PTPRD: variants seen among roughly 807,000 people sequenced by gnomAD.
PTPRD encodes the protein receptor-type tyrosine-protein phosphatase delta.
In PTPRD, 34 loss-of-function variants were observed where a neutral mutation model predicts 214.5. The ratio of observed to expected loss-of-function variants is 0.16; its 90% CI spans 0.12 to 0.21. The LOEUF is 0.21. Among genes scored for constraint, PTPRD ranks in the 10% least tolerant of loss-of-function variants. The probability of loss-of-function intolerance (pLI) is 1.00; values close to 1 mark genes in which losing one functional copy is unlikely to be tolerated. For synonymous variants in PTPRD, 1,128 were observed against 845.7 expected, an observed-to-expected ratio of 1.33 and a Z score of -5.79; for missense variants, 2,545 against 2,398.7, an observed-to-expected ratio of 1.06 and a Z score of -1.27.
At chr9:8,608,015 T>C (rs2095301151) in intron 14 of PTPRD, among the ~76,000 whole-genome samples, 1 of 152,204 alleles carries the variant, frequency 6.6e-6, no homozygotes, top group Non-Finnish European at 1.5e-5. Flanking sequence ...GATTACAGGA[T>C]GTCAGCTTTT....
chr9:10,117,560 A>G (rs190932486), intron 3 of PTPRD, among the ~76,000 whole-genome samples: 2 of 151,096 alleles, frequency 1.3e-5, no homozygotes, highest in South Asian at 2.1e-4. Context: ...ATTAACTTCA[A>G]TCTACCTCCT....
chr9:9,369,683 C>A (rs2058900670), intron 9 of PTPRD, among the ~76,000 whole-genome samples: 1 of 152,042 alleles, frequency 6.6e-6, no homozygotes, highest in Non-Finnish European at 1.5e-5. Flanking sequence ...GAAGTCCTTG[C>A]CCATGCCTAT....
chr9:10,290,868 C>G (rs980728501), intron 3 of PTPRD, among the ~76,000 whole-genome samples: 1 of 152,028 alleles, frequency 6.6e-6, no homozygotes, highest in Non-Finnish European at 1.5e-5. Flanking sequence ...AGTACACATG[C>G]AAAATCCTAC....
chr9:8,862,055 A>G (rs2098116179), intron 11 of PTPRD: 1 of 152,220 alleles, frequency 6.6e-6, no homozygotes, highest in Non-Finnish European at 1.5e-5. Flanking sequence ...ACACAGAACT[A>G]GCACATAAGA....
chr9:8,365,020 T>C (rs1009009452), intron 39 of PTPRD, among the ~76,000 whole-genome samples: 18 of 152,244 alleles, frequency 1.2e-4, no homozygotes, highest in Admixed American at 4.6e-4. Flanking sequence ...TTAAGGACCA[T>C]ACTGCAGTGG....
chr9:8,321,487 G>GTGTGTATATATA (rs1168847469), intron 44 of PTPRD, among the ~76,000 whole-genome samples: 49 of 44,520 alleles, frequency 1.1e-3, no homozygotes, highest in Non-Finnish European at 1.6e-3. Flanking sequence ...GTGTGTGTGT[G>GTGTGTATATATA]TATATATATA....
At chr9:9,482,320 A>C (rs1482181163) in intron 8 of PTPRD, among the ~76,000 whole-genome samples, 1 of 152,232 alleles carries the variant, frequency 6.6e-6, no homozygotes, top group Non-Finnish European at 1.5e-5. Flanking sequence ...CTAGAATTCT[A>C]GAGTCATGGT....
intron 2 of PTPRD, among the ~76,000 whole-genome samples, chr9:10,559,263 G>T (rs1487209741): frequency 1.3e-5 from 2 of 152,052 alleles, no homozygotes; most frequent in African/African-American, 4.8e-5. Flanking sequence ...GGTTATACAA[G>T]TCCTCTAAAA....
At chr9:8,857,460 G>T (rs1302410365) in intron 11 of PTPRD, among the ~76,000 whole-genome samples, 1 of 152,174 alleles carries the variant, frequency 6.6e-6, no homozygotes, top group African/African-American at 2.4e-5. Flanking sequence ...ACCTCTGCCC[G>T]AGGAGGTCCA....
chr9:8,865,946 C>T (rs1027514353), intron 11 of PTPRD, among the ~76,000 whole-genome samples: 7 of 152,124 alleles, frequency 4.6e-5, no homozygotes, highest in Admixed American at 1.3e-4. Flanking sequence ...TTCATGCTTT[C>T]CTACAAGAAG....
At chr9:9,254,300 A>G (rs990923978) in intron 9 of PTPRD, among the ~76,000 whole-genome samples, 4 of 151,780 alleles carry the variant, frequency 2.6e-5, no homozygotes, top group Non-Finnish European at 5.9e-5. Flanking sequence ...TATATTTTCT[A>G]TTTCCTTCTA....
chr9:10,306,686 T>C (rs951753927), intron 3 of PTPRD, among the ~76,000 whole-genome samples: 5 of 152,122 alleles, frequency 3.3e-5, no homozygotes, highest in African/African-American at 1.2e-4. Flanking sequence ...GCTCTTTATA[T>C]CCAACCAGAG....
At chr9:9,728,910 T>C (rs2098137778) in intron 7 of PTPRD, among the ~76,000 whole-genome samples, 1 of 152,132 alleles carries the variant, frequency 6.6e-6, no homozygotes, top group African/African-American at 2.4e-5. Flanking sequence ...TTTATTAAAA[T>C]TTGTAGTACT....
chr9:9,962,446 C>T (rs1464025766), intron 4 of PTPRD, among the ~76,000 whole-genome samples: 1 of 152,012 alleles, frequency 6.6e-6, no homozygotes, highest in Non-Finnish European at 1.5e-5. Context: ...ATCTGTTGAA[C>T]ATATTGAACC....
At chr9:9,270,474 G>C (rs1206797263) in intron 9 of PTPRD, among the ~76,000 whole-genome samples, 3 of 151,314 alleles carry the variant, frequency 2.0e-5, no homozygotes, top group Non-Finnish European at 4.4e-5. Flanking sequence ...ATGTAACAAA[G>C]TGCTGAGGTG....
At chr9:10,183,015 T>A (rs2099309392) in intron 3 of PTPRD, among the ~76,000 whole-genome samples, 1 of 152,182 alleles carries the variant, frequency 6.6e-6, no homozygotes, top group Non-Finnish European at 1.5e-5. Context: ...TCTTGCTGTC[T>A]ACATTTTAAA....
intron 11 of PTPRD, among the ~76,000 whole-genome samples, chr9:8,777,039 G>C (rs1399996618): frequency 9.5e-6 from 1 of 105,488 alleles, no homozygotes; most frequent in African/African-American, 3.3e-5. Context: ...GGAGTGCAGT[G>C]GCAGGATCAC....
chr9:8,473,615 C>G (rs574324687), intron 30 of PTPRD, among the ~76,000 whole-genome samples: 3 of 152,216 alleles, frequency 2.0e-5, no homozygotes, highest in African/African-American at 7.2e-5. Context: ...TCTTGTAAAT[C>G]AAGGTTAAGC....
chr9:9,211,832 G>T lies in PTPRD; in HGVS notation c.-202-28469C>A, dbSNP rs73641261. On this transcript the variant is annotated intron_variant, in intron 9 of 45. Coordinates refer to ENST00000381196, the MANE Select transcript of PTPRD (RefSeq NM_002839.4). ...TTTTTTTTTTCATTTTGAAATTAAA[G>T]AACTTTATTTTCAGCCAGGCTGAGT... 2.0e-3 allele frequency among the ~76,000 whole-genome samples: 294 copies of T among 150,028 alleles called. 2 individuals carry two copies. The highest frequency in any genetic ancestry group is 6.9e-3 in the African/African-American group (280 of 40,862).
Sources: allele counts gnomAD v4.1 joint callset (sites outside exome capture counted in the v4.1 genomes callset), GRCh38; gene constraint gnomAD v4.1.1; transcripts MANE v1.5; gene names NCBI Gene and HGNC (gene_info 2026-07-23, HGNC 2026-07-21).